SIGLEC5: variants seen among roughly 807,000 people sequenced by gnomAD.
SIGLEC5 encodes the protein sialic acid binding Ig like lectin 5.
Under a neutral mutation model 45.9 loss-of-function variants are expected in SIGLEC5, and 34 were observed. The ratio of observed to expected loss-of-function variants is 0.74; its 90% CI spans 0.56 to 0.99. SIGLEC5 has a LOEUF of 0.99. Among genes scored for constraint, SIGLEC5 ranks in the 50% least tolerant of loss-of-function variants. The pLI is 0.00. For missense variants in SIGLEC5, 508 were observed against 629.6 expected, an observed-to-expected ratio of 0.81 and a Z score of 2.07; for synonymous variants, 203 against 258.6, an observed-to-expected ratio of 0.79 and a Z score of 2.06.
intron 8 of SIGLEC5, 72 bp from the exon 9 acceptor site, chr19:51,612,494 T>G (rs981622207): frequency 1.8e-6 from 2 of 1,089,850 alleles, no homozygotes; most frequent in African/African-American, 1.6e-5. Context: ...GTTCTTATAT[T>G]TATATGTTGC....
At chr19:51,616,343 A>G (rs1479117744) in intron 8 of SIGLEC5, among the ~76,000 whole-genome samples, 1 of 152,246 alleles carries the variant, frequency 6.6e-6, no homozygotes, top group African/African-American at 2.4e-5. Flanking sequence ...GAAAACAAGC[A>G]TAAGAAACTT....
intron 3 of SIGLEC5, 71 bp from the exon 4 acceptor site, chr19:51,629,147 A>T (rs1847751331): frequency 6.4e-7 from 1 of 1,572,056 alleles, no homozygotes; most frequent in Non-Finnish European, 8.7e-7. Flanking sequence ...GGAGGTACCC[A>T]AAGAGGAGCC....
chr19:51,617,382 G>A (rs1391694195), intron 8 of SIGLEC5, among the ~76,000 whole-genome samples: 1 of 152,006 alleles, frequency 6.6e-6, no homozygotes, highest in Non-Finnish European at 1.5e-5. Context: ...AAGATGCAGG[G>A]AATCCCATGC....
At chr19:51,621,956 T>C (rs1385548192) in intron 8 of SIGLEC5, among the ~76,000 whole-genome samples, 1 of 152,206 alleles carries the variant, frequency 6.6e-6, no homozygotes, top group Non-Finnish European at 1.5e-5. Context: ...ATTATCTCTT[T>C]AAAACACTTA....
rs571255842 is a variant in SIGLEC5, at chr19:51,627,232, C to T, written c.1299G>A (p.Gly433=). The T allele has an allele frequency of 2.2e-4, 358 of 1,614,088 alleles. 6 individuals are homozygous for T. In the South Asian group the frequency reaches 3.8e-3, roughly 17 times the overall value. The change falls in exon 7 of 9, where the codon GGG becomes GGA. Residue 433 remains glycine (G), a synonymous_variant. Coordinates refer to ENST00000683636, the MANE Select transcript of SIGLEC5 (RefSeq NM_003830.4). Reference sequence around the variant, plus strand: ...CAAGGGCTGCAGGAACCACTCCTGTCCCGAGGTTCGATCTCCCTGCAGAAA... The same window carrying T: ...CAAGGGCTGCAGGAACCACTCCTGTTCCGAGGTTCGATCTCCCTGCAGAAA... ...VLLLQGRSNL[G]TGVVPAALGG...
chr19:51,629,777 G>C, intron 2 of SIGLEC5, 56 bp downstream of exon 2: 1 of 1,292,252 alleles, frequency 7.7e-7, no homozygotes, highest in South Asian at 1.2e-5. Context: ...TCCTGTCCCT[G>C]TTCTCATACG....
At chr19:51,626,447 T>C (rs1227459853) in intron 7 of SIGLEC5, among the ~76,000 whole-genome samples, 1 of 152,140 alleles carries the variant, frequency 6.6e-6, no homozygotes, top group Non-Finnish European at 1.5e-5. Context: ...TCAAATGCGT[T>C]CCATTTATAT....
At chr19:51,628,235 T>C in intron 4 of SIGLEC5, 144 bp from the exon 5 acceptor site, 1 of 956,312 alleles carries the variant, frequency 1.0e-6, no homozygotes, top group Non-Finnish European at 1.5e-6. Context: ...GTTCAAAGGC[T>C]GGGCCTTTGC....
At chr19:51,615,737 G>A (rs372834534) in intron 8 of SIGLEC5, among the ~76,000 whole-genome samples, 52 of 152,188 alleles carry the variant, frequency 3.4e-4, no homozygotes, top group Non-Finnish European at 6.9e-4. Flanking sequence ...GTTGGGTGTG[G>A]TTTGGGTTCT....
chr19:51,623,788 G>C (rs1199533705), intron 8 of SIGLEC5, among the ~76,000 whole-genome samples: 2 of 152,210 alleles, frequency 1.3e-5, no homozygotes, highest in African/African-American at 4.8e-5. Flanking sequence ...GAAAGCTCGT[G>C]TGTGTTAGTA....
chr19:51,612,596 C>T (rs1191548819), intron 8 of SIGLEC5, among the ~76,000 whole-genome samples, 174 bp from the exon 9 acceptor site: 1 of 152,230 alleles, frequency 6.6e-6, no homozygotes, highest in East Asian at 1.9e-4. Flanking sequence ...CTACCTCCTC[C>T]CAGTTCCCCA....
Position 51,629,992 on chromosome 19 carries a change from C to T in SIGLEC5, c.262G>A (p.Gly88Ser), listed in dbSNP as rs1385974752. The change falls in exon 2 of 9, where the codon GGC (glycine) becomes AGC (serine). Residue 88 changes from glycine to serine, a missense_variant. Gly to Ser is a moderately conservative substitution (Grantham distance 56). This residue lies in a region of SIGLEC5 where 77 missense variants were observed against 200.8 expected (regional missense o/e 0.38). Transcript: ENST00000683636. ...PDRRVKPETQ[G>S]RFRLLGDVQK... ...ACATCCCCAAGGAGGCGGAATCGGC[C>T]CTGGGTCTCTGGCTTCACTCTTCTG... is the stretch of plus-strand genomic sequence containing the variant. The T allele has an allele frequency of 3.2e-6, 3 of 926,782 alleles. No individual in the cohort carries two copies. In the African/African-American group the frequency reaches 8.6e-5, roughly 26 times the overall value. The allele number at this position is 926,782 out of a possible 1,614,324, so 57.4% of individuals were successfully genotyped here.
rs1167282617 is a variant in SIGLEC5 at position 51,612,418 on chromosome 19, G to A, written c.1469C>T (p.Ser490Phe). The A allele has an allele frequency of 3.7e-6, 6 of 1,607,502 alleles. No individual in the cohort carries two copies. In the South Asian group the frequency reaches 6.7e-5, roughly 18 times the overall value. The stretch of plus-strand genomic sequence containing the variant: ...GCTGTCTGGCCAGGGCTTCTTCCTG[G>A]AACCCTGAGTAAAGGGGAAGGAAAG... ...DPIMGTITSG[S>F]RKKPWPDSPG... The change falls in exon 9 of 9, where the codon TCC becomes TTC. Residue 490 changes from serine (S) to phenylalanine (F), a missense_variant. Ser to Phe is a radical substitution (Grantham distance 155). Transcript: ENST00000683636.
rs1415894073 is a variant in SIGLEC5, at chr19:51,612,082, C to A, written c.*149G>T. 1.3e-4 allele frequency: 4 copies of A among 31,292 alleles called. No individual in the cohort carries two copies. Among genetic ancestry groups the A allele is most frequent in the Non-Finnish European group, 2.4e-4 (4 of 16,652 alleles). The allele number at this position is 31,292 out of a possible 1,614,324, so 1.9% of individuals were successfully genotyped here. On this transcript the variant is annotated 3_prime_UTR_variant, in exon 9 of 9. Coordinates refer to ENST00000683636, the MANE Select transcript of SIGLEC5 (RefSeq NM_003830.4). ...AGGGCCTAGATTTGAGCCCACCTCT[C>A]TAATTCCATCTGCTTGGAGCACTTA...
intron 8 of SIGLEC5, among the ~76,000 whole-genome samples, chr19:51,619,052 A>G (rs1428562529): frequency 1.3e-5 from 2 of 152,158 alleles, no homozygotes; most frequent in African/African-American, 4.8e-5. Flanking sequence ...GAAGATTTGG[A>G]TTTGAACATT....
rs1600104940 is a variant in SIGLEC5, at chr19:51,628,046, C to T, written c.785G>A (p.Gly262Asp). The change falls in exon 5 of 9, where the codon GGC (glycine) becomes GAC (aspartate). Residue 262 changes from glycine (G) to aspartate (D), a missense_variant. Around this residue, in one of 2 missense-constraint regions of SIGLEC5, gnomAD observed 431 missense variants for 428.8 expected, o/e 1.01. Transcript: ENST00000683636. Reference protein sequence around the residue: ...QNTSYLPVLEGQALRLLCDAP... With the variant: ...QNTSYLPVLEDQALRLLCDAP... ...ATCACAGAGCAGCCGCAGAGCCTGGCCCTCCAGGACCGGAAGGTATGAGGT... is the reference window on the plus strand; with the variant it reads ...ATCACAGAGCAGCCGCAGAGCCTGGTCCTCCAGGACCGGAAGGTATGAGGT... 5 of 1,584,708 alleles carry T rather than the reference C, an allele frequency of 3.2e-6. No individual in the cohort carries two copies. The highest frequency in any genetic ancestry group is 3.4e-6 in the Non-Finnish European group (4 of 1,165,718).
intron 8 of SIGLEC5, among the ~76,000 whole-genome samples, chr19:51,615,493 C>G (rs1367793523): frequency 6.6e-6 from 1 of 152,110 alleles, no homozygotes; most frequent in Admixed American, 6.5e-5. Flanking sequence ...TGCCAGTGTC[C>G]AACAGGCATG....
In SIGLEC5 at chr19:51,612,297, C is replaced by T. The variant is rs765671576; in HGVS notation, c.1590G>A (p.Ser530=). The T allele has an allele frequency of 1.2e-6, 2 of 1,612,992 alleles. No individual in the cohort carries two copies. Among genetic ancestry groups the T allele is most frequent in the East Asian group, 2.2e-5 (1 of 44,802 alleles). ...YASLSFSEMK[S]REPKDQEAPS... ...GGGCCTCCTGGTCCTTAGGCTCCCT[C>T]GACTTCATCTCAGAAAAACTAAGGG... The change falls in exon 9 of 9, where the codon TCG becomes TCA. Residue 530 remains serine, a synonymous_variant. Coordinates refer to ENST00000683636, the MANE Select transcript of SIGLEC5 (RefSeq NM_003830.4).
Position 51,611,990 on chromosome 19 carries a change from A to G in SIGLEC5, c.*241T>C. On this transcript the variant is annotated 3_prime_UTR_variant, in exon 9 of 9. Coordinates refer to ENST00000683636, the MANE Select transcript of SIGLEC5 (RefSeq NM_003830.4). ...AACAACCTTTGAGGTAGCATGCATG[A>G]TCTCTGATTTACAGAATGGGAAACT... 1 of 312,596 alleles carries G rather than the reference A, an allele frequency of 3.2e-6. No homozygotes were observed. Among genetic ancestry groups the G allele is most frequent in the Non-Finnish European group, 5.9e-6 (1 of 170,938 alleles). 19.4% of individuals were successfully genotyped at this position (312,596 alleles called of 1,614,324 possible).
Sources: allele counts gnomAD v4.1 joint callset (sites outside exome capture counted in the v4.1 genomes callset), GRCh38; gene constraint gnomAD v4.1.1; regional missense constraint gnomAD v4.1.1; transcripts MANE v1.5; gene names NCBI Gene and HGNC (gene_info 2026-07-23, HGNC 2026-07-21).